ATF3: variants seen among roughly 807,000 people sequenced by gnomAD.
The protein encoded by ATF3 is cyclic AMP-dependent transcription factor ATF-3.
In ATF3, 10 loss-of-function variants were observed where a neutral mutation model predicts 18.4. That is an observed-to-expected ratio of 0.54 (90% CI 0.34 to 0.92). The LOEUF is 0.92. Among genes scored for constraint, ATF3 ranks in the 40% least tolerant of loss-of-function variants. The probability of loss-of-function intolerance (pLI) is 0.02; values close to 1 mark genes in which losing one functional copy is unlikely to be tolerated. For synonymous variants in ATF3, 78 were observed against 87.9 expected (o/e 0.89, Z 0.63); for missense variants, 183 against 222.3 (o/e 0.82, Z 1.12).
chr1:212,580,897 T>C (rs1407882633), intron 1 of ATF3, among the ~76,000 whole-genome samples: 3 of 152,304 alleles, frequency 2.0e-5, no homozygotes, highest in Admixed American at 2.0e-4. Flanking sequence ...GTCTCCCGAA[T>C]AGCTGGGATT....
intron 1 of ATF3, among the ~76,000 whole-genome samples, chr1:212,574,224 T>G (rs72756337): frequency 1.3e-5 from 2 of 151,830 alleles, no homozygotes; most frequent in Admixed American, 6.5e-5. Flanking sequence ...TCATATTTTC[T>G]TAGTACAATA....
intron 1 of ATF3, among the ~76,000 whole-genome samples, chr1:212,582,232 T>C (rs760799324): frequency 7.9e-5 from 12 of 152,340 alleles, no homozygotes; most frequent in East Asian, 5.8e-4. Flanking sequence ...GTACTTTATC[T>C]GGCAACCCTT....
rs779111172 is a variant in ATF3, at chr1:212,619,119, C to T, written c.349-239C>T. ...TCATGCAAATGAGGTATCTGAACTG[C>T]AGCTTCAGTATTAGCAGAGCCACAG... On this transcript the variant is annotated intron_variant, in intron 3 of 3. Transcript: ENST00000341491. The surrounding 1 kb of genome is among the most constrained non-coding windows in gnomAD (Gnocchi z 4.4). 5 of 1,614,014 alleles carry T rather than the reference C, an allele frequency of 3.1e-6. No individual in the cohort carries two copies. The highest frequency in any genetic ancestry group is 2.7e-5 in the African/African-American group (2 of 74,910).
chr1:212,606,444 T>A (rs1295582892), upstream of ATF3, among the ~76,000 whole-genome samples: 1 of 152,242 alleles, frequency 6.6e-6, no homozygotes, highest in Non-Finnish European at 1.5e-5. Flanking sequence ...GTAATAAGAA[T>A]AACCCGACCG....
In ATF3 at chr1:212,619,415, A is replaced by G; in HGVS notation, c.406A>G (p.Lys136Glu). 1.2e-6 allele frequency: 2 copies of G among 1,614,136 alleles called. No individual in the cohort carries two copies. Among genetic ancestry groups the G allele is most frequent in the Non-Finnish European group, 1.7e-6 (2 of 1,180,032 alleles). ...AELKAQIEEL[K>E]NEKQHLIYML... The stretch of plus-strand genomic sequence containing the variant: ...ACTGAAGGCTCAGATTGAGGAGCTC[A>G]AGAACGAGAAGCAGCATTTGATATA... The change falls in exon 4 of 4, where the codon AAG becomes GAG. Residue 136 changes from lysine (K) to glutamate (E), a missense_variant. Coordinates refer to ENST00000341491, the MANE Select transcript of ATF3 (RefSeq NM_001674.4). The surrounding 1 kb of genome is among the most constrained non-coding windows in gnomAD (Gnocchi z 4.4).
intron 1 of ATF3, among the ~76,000 whole-genome samples, chr1:212,611,840 T>C (rs981829388): frequency 6.6e-6 from 1 of 152,232 alleles, no homozygotes; most frequent in East Asian, 1.9e-4. Flanking sequence ...GATTTCTGAT[T>C]GGAAATAATC....
chr1:212,602,264 A>C (rs543521975), intron 1 of ATF3, among the ~76,000 whole-genome samples: 25 of 152,246 alleles, frequency 1.6e-4, no homozygotes, highest in African/African-American at 6.0e-4. Flanking sequence ...AAAATGTTTT[A>C]GGGTGCTCTT....
chr1:212,615,168 C>G lies in ATF3; in HGVS notation c.147C>G (p.Ile49Met). Reference sequence around the variant, plus strand: ...TCAAGGAAGAGCTGAGGTTTGCCATCCAGAACAAGCACCTCTGCCACCGGA... The same window carrying G: ...TCAAGGAAGAGCTGAGGTTTGCCATGCAGAACAAGCACCTCTGCCACCGGA... ...PFVKEELRFAIQNKHLCHRMS... is the reference protein window; with the variant it reads ...PFVKEELRFAMQNKHLCHRMS... Residue 49 changes from isoleucine (I) to methionine (M), a missense_variant, in exon 2 of 4, where the codon ATC becomes ATG. Transcript: ENST00000341491. The G allele has an allele frequency of 6.2e-7, 1 of 1,614,168 alleles. No individual in the cohort carries two copies. The highest frequency in any genetic ancestry group is 8.5e-7 in the Non-Finnish European group (1 of 1,180,024).
At chr1:212,614,233 C>G (rs1035415759) in intron 1 of ATF3, 1 of 152,462 alleles carries the variant, frequency 6.6e-6, no homozygotes, top group African/African-American at 2.4e-5. Flanking sequence ...GTTCCCTGCC[C>G]CCACACCCAG....
At chr1:212,569,605 C>CT (rs932223198) in intron 1 of ATF3, among the ~76,000 whole-genome samples, 18 of 147,724 alleles carry the variant, frequency 1.2e-4, no homozygotes, top group African/African-American at 3.0e-4. Flanking sequence ...TTTTTTTTGG[C>CT]TTTTTTTTTT....
At chr1:212,593,769 G>T (rs951813771) in intron 1 of ATF3, among the ~76,000 whole-genome samples, 1 of 138,514 alleles carries the variant, frequency 7.2e-6, no homozygotes, top group Non-Finnish European at 1.5e-5. Context: ...AAAAAAAAAA[G>T]TGTTCTTAAG....
chr1:212,611,224 G>A (rs1160481522), intron 1 of ATF3, among the ~76,000 whole-genome samples: 2 of 152,196 alleles, frequency 1.3e-5, no homozygotes, highest in South Asian at 4.1e-4. Context: ...AACCTACCTG[G>A]TCTGTGAAGA....
At chr1:212,595,601 T>C (rs1664976497) in intron 1 of ATF3, among the ~76,000 whole-genome samples, 2 of 152,032 alleles carry the variant, frequency 1.3e-5, no homozygotes, top group East Asian at 1.9e-4. Context: ...ATTACTCGAA[T>C]TGGGATGGAT....
At chr1:212,597,335 C>G (rs1195782393) in intron 1 of ATF3, among the ~76,000 whole-genome samples, 2 of 152,118 alleles carry the variant, frequency 1.3e-5, no homozygotes, top group African/African-American at 4.8e-5. Context: ...AATTGAAGAA[C>G]TGTAAGGAAT....
At chr1:212,612,036 T>G (rs1411424929) in intron 1 of ATF3, among the ~76,000 whole-genome samples, 1 of 152,236 alleles carries the variant, frequency 6.6e-6, no homozygotes, top group Non-Finnish European at 1.5e-5. Context: ...ACAGCCGTAG[T>G]CTAGGCTGAA....
chr1:212,591,524 G>C (rs1257255292), intron 1 of ATF3, among the ~76,000 whole-genome samples: 1 of 152,138 alleles, frequency 6.6e-6, no homozygotes, highest in Non-Finnish European at 1.5e-5. Flanking sequence ...ATTGGCCATG[G>C]GGAATGCTCT....
chr1:212,581,572 A>G (rs747774587), intron 1 of ATF3, among the ~76,000 whole-genome samples: 4 of 152,224 alleles, frequency 2.6e-5, no homozygotes, highest in Non-Finnish European at 4.4e-5. Flanking sequence ...AGACACTTGC[A>G]CTGCAATAGA....
chr1:212,576,716 C>CT (rs761124416), intron 1 of ATF3, among the ~76,000 whole-genome samples: 4,465 of 76,518 alleles, frequency 0.058, 477 homozygotes, highest in Non-Finnish European at 0.067. Context: ...CTTTTCTTTT[C>CT]TTTTCTTTTT....
At chr1:212,607,633 C>T (rs902660386), upstream of ATF3, among the ~76,000 whole-genome samples, 8 of 152,252 alleles carry the variant, frequency 5.3e-5, no homozygotes, top group African/African-American at 1.7e-4. Context: ...TCCGGGCCGT[C>T]CGGTCCCAGT....
Sources: allele counts gnomAD v4.1 joint callset (sites outside exome capture counted in the v4.1 genomes callset), GRCh38; gene constraint gnomAD v4.1.1; non-coding constraint Gnocchi (gnomAD v3.1); transcripts MANE v1.5; gene names NCBI Gene and HGNC (gene_info 2026-07-23, HGNC 2026-07-21).